The following DPYD variants were observed in gnomAD, a reference collection of about 807,000 sequenced individuals.
DPYD encodes the protein dihydropyrimidine dehydrogenase.
A neutral mutation model predicts 116.2 loss-of-function variants in DPYD; 109 were observed. That is an observed-to-expected ratio of 0.94 (90% CI 0.80 to 1.10). The LOEUF (loss-of-function observed/expected upper bound fraction) is 1.10. DPYD is among the 50% of genes least tolerant of loss of function. DPYD has a pLI of 0.00. For synonymous variants in DPYD, 440 were observed against 432.0 expected, an observed-to-expected ratio of 1.02 and a Z score of -0.23; for missense variants, 1,302 against 1,254.5, an observed-to-expected ratio of 1.04 and a Z score of -0.57.
chr1:97,457,324 G>T (rs545319426), intron 13 of DPYD, among the ~76,000 whole-genome samples: 1 of 152,180 alleles, frequency 6.6e-6, no homozygotes, highest in Non-Finnish European at 1.5e-5. Flanking sequence ...CATATATAAA[G>T]CATGTGGTGT....
intron 12 of DPYD, among the ~76,000 whole-genome samples, chr1:97,528,570 T>C (rs1474359415): frequency 1.3e-5 from 2 of 152,072 alleles, no homozygotes; most frequent in African/African-American, 4.8e-5. Flanking sequence ...CAACTTAATG[T>C]AGTAACATGC....
At chr1:97,410,466 G>C (rs1673921289) in intron 14 of DPYD, among the ~76,000 whole-genome samples, 1 of 152,160 alleles carries the variant, frequency 6.6e-6, no homozygotes, top group Admixed American at 6.6e-5. Context: ...TTTGATAACT[G>C]AAAGAATAAT....
intron 16 of DPYD, among the ~76,000 whole-genome samples, chr1:97,349,301 A>G (rs1222082339): frequency 6.6e-6 from 1 of 151,742 alleles, no homozygotes. Context: ...TTACTGAAGA[A>G]AGTAGCAATG....
intron 7 of DPYD, among the ~76,000 whole-genome samples, chr1:97,688,102 C>T (rs1008163524): frequency 1.3e-5 from 2 of 152,102 alleles, no homozygotes; most frequent in African/African-American, 2.4e-5. Flanking sequence ...CAAATCTACG[C>T]ATCCTGCACG....
intron 7 of DPYD, among the ~76,000 whole-genome samples, chr1:97,686,460 C>T (rs1660735137): frequency 6.6e-6 from 1 of 151,124 alleles, no homozygotes; most frequent in South Asian, 2.1e-4. Context: ...CACGGTGAAA[C>T]CCCGTCTCTA....
At chr1:97,821,214 C>T (rs985633689) in intron 3 of DPYD, among the ~76,000 whole-genome samples, 1 of 151,590 alleles carries the variant, frequency 6.6e-6, no homozygotes, top group Non-Finnish European at 1.5e-5. Flanking sequence ...GCCTGTAATC[C>T]CAGCTACTTG....
rs78231067 is a variant in DPYD, at chr1:97,857,622, C to A, written c.150+25642G>T. Among the ~76,000 whole-genome samples the A allele has an allele frequency of 5.2e-3, 786 of 152,226 alleles. 9 individuals carry two copies. Among genetic ancestry groups the A allele is most frequent in the African/African-American group, 0.018 (755 of 41,542 alleles). Reference sequence around the variant, plus strand: ...TCCCGAGGGCATGGAAGCTCCACACCCCTTCTTCCGTAGCTCACCCTATGC... The same window carrying A: ...TCCCGAGGGCATGGAAGCTCCACACACCTTCTTCCGTAGCTCACCCTATGC... On this transcript the variant is annotated intron_variant, in intron 2 of 22. Coordinates refer to ENST00000370192, the MANE Select transcript of DPYD (RefSeq NM_000110.4).
intron 3 of DPYD, among the ~76,000 whole-genome samples, chr1:97,763,101 C>T (rs1665665529): frequency 6.6e-6 from 1 of 152,030 alleles, no homozygotes; most frequent in Non-Finnish European, 1.5e-5. Flanking sequence ...ATATTCTTGA[C>T]TGAGAAAGAA....
chr1:97,680,663 T>C (rs890646218), intron 7 of DPYD, among the ~76,000 whole-genome samples: 1 of 152,130 alleles, frequency 6.6e-6, no homozygotes, highest in African/African-American at 2.4e-5. Flanking sequence ...TGAAGCGATC[T>C]GGACATCCCA....
chr1:97,114,852 C>T (rs1248523509), intron 20 of DPYD, among the ~76,000 whole-genome samples: 1 of 152,200 alleles, frequency 6.6e-6, no homozygotes, highest in Non-Finnish European at 1.5e-5. Flanking sequence ...CTAATGCATT[C>T]CTTAAATGCA....
chr1:97,723,085 C>A (rs1244694921), intron 4 of DPYD, among the ~76,000 whole-genome samples: 1 of 151,244 alleles, frequency 6.6e-6, no homozygotes, highest in Non-Finnish European at 1.5e-5. Flanking sequence ...TAAAAAGAAT[C>A]AAACTGATAT....
At chr1:97,868,139 T>C (rs1442924615) in intron 2 of DPYD, among the ~76,000 whole-genome samples, 2 of 148,188 alleles carry the variant, frequency 1.3e-5, no homozygotes, top group African/African-American at 2.5e-5. Flanking sequence ...CTAAAAAATA[T>C]ATAATTAAGA....
chr1:97,595,232 C>CA, intron 8 of DPYD, 66 bp from the exon 9 acceptor site: 1 of 1,295,144 alleles, frequency 7.7e-7, no homozygotes, highest in Non-Finnish European at 1.1e-6. Flanking sequence ...GATATTAAAA[C>CA]AAAAAAGAAA....
intron 8 of DPYD, among the ~76,000 whole-genome samples, chr1:97,660,351 C>T (rs1184628369): frequency 6.6e-6 from 1 of 151,978 alleles, no homozygotes; most frequent in Non-Finnish European, 1.5e-5. Flanking sequence ...AAATATATTA[C>T]TTTTATCTTA....
intron 16 of DPYD, among the ~76,000 whole-genome samples, chr1:97,366,069 G>C (rs373824900): frequency 1.3e-5 from 2 of 152,086 alleles, no homozygotes; most frequent in South Asian, 2.1e-4. Flanking sequence ...TTTAAAAGCA[G>C]CAAAAATTTT....
At chr1:97,633,487 G>A (rs1370940632) in intron 8 of DPYD, among the ~76,000 whole-genome samples, 2 of 152,014 alleles carry the variant, frequency 1.3e-5, no homozygotes, top group Non-Finnish European at 2.9e-5. Flanking sequence ...GGAGGGCATA[G>A]ACACAGCCTC....
chr1:97,793,747 C>A (rs1239713861), intron 3 of DPYD, among the ~76,000 whole-genome samples: 2 of 152,046 alleles, frequency 1.3e-5, no homozygotes, highest in African/African-American at 4.8e-5. Flanking sequence ...ATGTAAAACA[C>A]AAAACTACAC....
intron 16 of DPYD, among the ~76,000 whole-genome samples, chr1:97,338,812 T>G (rs1411614858): frequency 6.6e-6 from 1 of 152,098 alleles, no homozygotes. Flanking sequence ...ACCTGGCCTG[T>G]TCTTGTGTGG....
At chr1:97,263,653 CTA>C (rs757884870) in intron 18 of DPYD, among the ~76,000 whole-genome samples, 4 of 152,076 alleles carry the variant, frequency 2.6e-5, no homozygotes, top group African/African-American at 4.8e-5. Context: ...CCTATACCCT[CTA>C]TGGTGATTAA....
Sources: allele counts gnomAD v4.1 joint callset (sites outside exome capture counted in the v4.1 genomes callset), GRCh38; gene constraint gnomAD v4.1.1; transcripts MANE v1.5; gene names NCBI Gene and HGNC (gene_info 2026-07-23, HGNC 2026-07-21).